Variants in TULP4 observed in about 807,000 individuals in gnomAD.
The protein encoded by TULP4 is tubby-related protein 4.
A neutral mutation model predicts 129.0 loss-of-function variants in TULP4; 16 were observed. The observed-to-expected ratio is 0.12, with a 90% confidence interval of 0.08 to 0.19. TULP4 has a LOEUF of 0.19. Ranked by LOEUF, TULP4 falls within the 10% of genes least tolerant of loss-of-function variation. The pLI is 1.00. For synonymous variants in TULP4, 998 were observed against 854.0 expected (o/e 1.17, Z -2.94); for missense variants, 1,842 against 2,059.1 (o/e 0.89, Z 2.04).
In TULP4 at chr6:158,238,415, G is replaced by T. The variant is rs201686410; in HGVS notation, n.68+6112G>T. Reference sequence around the variant, plus strand: ...ATAGCAAGTAATGCCTTGTTAAATTGTTTTTTTTTTTTTTTTTAAATTTAT... The same window carrying T: ...ATAGCAAGTAATGCCTTGTTAAATTTTTTTTTTTTTTTTTTTTAAATTTAT... On this transcript the variant is annotated intron_variant and non_coding_transcript_variant, in intron 1 of 1. Coordinates refer to the TULP4 transcript ENST00000620026. The T allele has an allele frequency of 9.5e-4, 304 of 320,444 alleles. 1 individual carries two copies. Among genetic ancestry groups the T allele is most frequent in the East Asian group, 1.3e-3 (25 of 19,840 alleles). 19.9% of individuals were successfully genotyped at this position (320,444 alleles called of 1,614,324 possible).
chr6:158,389,927 A>G (rs1037743722), intron 1 of TULP4, among the ~76,000 whole-genome samples: 1 of 152,170 alleles, frequency 6.6e-6, no homozygotes. Flanking sequence ...CCTGGCTAAC[A>G]TGGTGAAACC....
At chr6:158,247,334 TA>T (rs1778047851) in intron 1 of TULP4, among the ~76,000 whole-genome samples, 1 of 152,252 alleles carries the variant, frequency 6.6e-6, no homozygotes, top group Admixed American at 6.5e-5. Flanking sequence ...TTAAGATTTT[TA>T]TGAAAGAAAG....
intron 5 of TULP4, among the ~76,000 whole-genome samples, 154 bp downstream of exon 5, chr6:158,452,422 T>TTCAC: frequency 6.6e-6 from 1 of 152,346 alleles, no homozygotes. Flanking sequence ...CCACTCCCTC[T>TTCAC]TCACTCCTTT....
chr6:158,241,744 A>G (rs1035959896), intron 1 of TULP4: 7 of 416,594 alleles, frequency 1.7e-5, no homozygotes, highest in South Asian at 8.4e-5. Context: ...ACAGGCACGC[A>G]CCATCACGCC....
chr6:158,415,611 C>T (rs990821107), intron 2 of TULP4, among the ~76,000 whole-genome samples: 3 of 150,768 alleles, frequency 2.0e-5, no homozygotes, highest in Non-Finnish European at 4.4e-5. Flanking sequence ...CCACCCGCGT[C>T]AGCCTCCCAA....
At chr6:158,268,424 C>T (rs1449798601) in intron 1 of TULP4, among the ~76,000 whole-genome samples, 1 of 152,106 alleles carries the variant, frequency 6.6e-6, no homozygotes, top group Non-Finnish European at 1.5e-5. Context: ...TTTTTGTGTA[C>T]TATTTATTGT....
At chr6:158,262,020 G>A (rs1035015151) in intron 1 of TULP4, among the ~76,000 whole-genome samples, 1 of 152,210 alleles carries the variant, frequency 6.6e-6, no homozygotes, top group African/African-American at 2.4e-5. Context: ...GGGGAAATGA[G>A]TCCTTGATCT....
chr6:158,503,572 G>A lies in TULP4; in HGVS notation c.3909G>A (p.Leu1303=), dbSNP rs1421650356. The part of the protein sequence containing the change: ...SPPPADLQSH[L]GTEVMVETAD... ...CACCTGCCGACCTCCAAAGCCACTT[G>A]GGCACAGAGGTGATGGTAGAGACTG... is the stretch of plus-strand genomic sequence containing the variant. Residue 1303 remains leucine, a synonymous_variant, in exon 13 of 14, where the codon TTG becomes TTA. Coordinates refer to ENST00000367097, the MANE Select transcript of TULP4 (RefSeq NM_020245.5). This position sits in a 1 kb window ranked among gnomAD's most constrained non-coding sequence, Gnocchi z 4.3. 2 of 1,613,848 alleles carry A rather than the reference G, an allele frequency of 1.2e-6. No homozygotes were observed. The highest frequency in any genetic ancestry group is 1.7e-6 in the Non-Finnish European group (2 of 1,180,014).
chr6:158,350,006 TTCCCAGGCGGGGCAGCCGGGCAGAGGCGC>T (rs1780466226), intron 1 of TULP4, among the ~76,000 whole-genome samples: 1 of 99,194 alleles, frequency 1.0e-5, no homozygotes, highest in East Asian at 3.3e-4. Context: ...CGCTCCTCAC[TTCCCAGGCGGGGCAGCCGGGCAGAGGCGC>T]TCCTCACTTC....
At chr6:158,317,453 G>A (rs1436671786) in intron 1 of TULP4, among the ~76,000 whole-genome samples, 10 of 151,542 alleles carry the variant, frequency 6.6e-5, no homozygotes, top group African/African-American at 2.4e-4. Flanking sequence ...TGCTGAGAAT[G>A]ATGGTTTCCA....
At chr6:158,326,039 C>T (rs6933928) in intron 1 of TULP4, among the ~76,000 whole-genome samples, 26,281 of 152,060 alleles carry the variant, frequency 0.17, 2,693 homozygotes, top group Middle Eastern at 0.25. Flanking sequence ...CTTTCATAGT[C>T]ACTCAACCCA....
At chr6:158,400,126 A>G (rs1777807216) in intron 1 of TULP4, among the ~76,000 whole-genome samples, 1 of 152,202 alleles carries the variant, frequency 6.6e-6, no homozygotes, top group Non-Finnish European at 1.5e-5. Flanking sequence ...GTTTATTGAG[A>G]TTTACCATTT....
At chr6:158,232,332 C>T (rs1777611591) in intron 1 of TULP4, 1 of 147,904 alleles carries the variant, frequency 6.8e-6, no homozygotes, top group South Asian at 1.9e-4. Flanking sequence ...ACTGTCGCCG[C>T]CGCGCAGTCC....
chr6:158,353,154 G>C (rs1221299962), intron 1 of TULP4, among the ~76,000 whole-genome samples: 8 of 152,172 alleles, frequency 5.3e-5, no homozygotes, highest in Non-Finnish European at 1.2e-4. Context: ...CAGGCCTCCT[G>C]GCTTCAGTAA....
At chr6:158,245,181 G>A (rs1173165962) in intron 1 of TULP4, among the ~76,000 whole-genome samples, 1 of 149,848 alleles carries the variant, frequency 6.7e-6, no homozygotes, top group Non-Finnish European at 1.5e-5. Context: ...TTTTTTTAGG[G>A]ATGAAGCCTC....
intron 1 of TULP4, among the ~76,000 whole-genome samples, chr6:158,268,228 G>A (rs1332550424): frequency 7.3e-5 from 11 of 151,450 alleles, no homozygotes; most frequent in Admixed American, 2.0e-4. Context: ...TAGTGGAGAC[G>A]GAGTTTCTCC....
intron 1 of TULP4, chr6:158,232,316 G>T (rs928900373): frequency 6.7e-6 from 1 of 148,218 alleles, no homozygotes; most frequent in Non-Finnish European, 1.5e-5. Flanking sequence ...GAGCGGGCGC[G>T]GGGCCACTGT....
chr6:158,288,705 T>C (rs1778873231), intron 1 of TULP4, among the ~76,000 whole-genome samples: 1 of 152,132 alleles, frequency 6.6e-6, no homozygotes, highest in African/African-American at 2.4e-5. Context: ...TTTCACCGTG[T>C]TAGCCAGGAT....
Position 158,240,544 on chromosome 6 carries a change from G to T in TULP4, n.68+8241G>T, listed in dbSNP as rs1777865851. Among the ~76,000 whole-genome samples the T allele has an allele frequency of 2.1e-5, 2 of 96,040 alleles. 1 individual carries two copies. The highest frequency in any genetic ancestry group is 6.6e-5 in the African/African-American group (2 of 30,298). 63.0% of individuals were successfully genotyped at this position (96,040 alleles called of 152,430 possible). ...GGCTGACCCCCCCACCTCCCTCCCG[G>T]ACGGGGGCGGCTGGCCGGGCAGAGG... On this transcript the variant is annotated intron_variant and non_coding_transcript_variant, in intron 1 of 1. Coordinates refer to the TULP4 transcript ENST00000620026.
Sources: gnomAD v4.1 joint callset for allele counts (sites outside exome capture counted in the v4.1 genomes callset) on GRCh38, gnomAD v4.1.1 for gene constraint, Gnocchi (gnomAD v3.1) non-coding constraint, MANE v1.5 for transcripts, NCBI Gene and HGNC (gene_info 2026-07-23, HGNC 2026-07-21) for gene names.